Variants in ARID2 observed in about 807,000 individuals in gnomAD.
ARID2 encodes the protein AT-rich interactive domain-containing protein 2.
In ARID2, 32 loss-of-function variants were observed where a neutral mutation model predicts 184.6. The ratio of observed to expected loss-of-function variants is 0.17; its 90% CI spans 0.13 to 0.23. ARID2 has a LOEUF of 0.23. Among genes scored for constraint, ARID2 ranks in the 10% least tolerant of loss-of-function variants. ARID2 has a pLI of 1.00. For synonymous variants in ARID2, 836 were observed against 772.6 expected (o/e 1.08, Z -1.36); for missense variants, 1,696 against 2,197.6 (o/e 0.77, Z 4.56).
In ARID2 at chr12:45,749,888, A is replaced by C. The variant is rs528368689; in HGVS notation, c.284+18574A>C. On this transcript the variant is annotated intron_variant, in intron 3 of 20. Coordinates refer to ENST00000334344, the MANE Select transcript of ARID2 (RefSeq NM_152641.4). ...TTGTTCTGGATTAGGCTTTGGCTTA[A>C]AGGAATGTCTGGCTGGTTTGATCTT... Among the ~76,000 whole-genome samples the C allele has an allele frequency of 2.0e-5, 3 of 152,300 alleles. No homozygotes were observed. The East Asian group carries it at 5.8e-4, about 29-fold the overall frequency.
At chr12:45,866,320 T>C (rs959363991) in intron 16 of ARID2, among the ~76,000 whole-genome samples, 2 of 152,206 alleles carry the variant, frequency 1.3e-5, no homozygotes, top group Non-Finnish European at 2.9e-5. Context: ...CACATTTCTT[T>C]CCATAAATAA....
intron 3 of ARID2, among the ~76,000 whole-genome samples, chr12:45,798,464 C>T (rs1942433698): frequency 6.6e-6 from 1 of 152,190 alleles, no homozygotes; most frequent in Admixed American, 6.5e-5. Flanking sequence ...TTGTTCTTCC[C>T]TAAAAATTCA....
intron 6 of ARID2, among the ~76,000 whole-genome samples, chr12:45,828,884 A>G (rs185432464): frequency 5.3e-4 from 81 of 151,774 alleles, no homozygotes; most frequent in Middle Eastern, 6.8e-3. Flanking sequence ...TTGCCTTTTC[A>G]TTCTTGAATG....
chr12:45,808,620 C>T (rs543001412), intron 3 of ARID2, among the ~76,000 whole-genome samples: 3 of 152,070 alleles, frequency 2.0e-5, no homozygotes, highest in Non-Finnish European at 4.4e-5. Flanking sequence ...GTTCACTCCA[C>T]ATCTCTTACG....
rs1943456661 is a variant in ARID2, at chr12:45,847,050, T to TA, written c.1580+114dup. On this transcript the variant is annotated intron_variant, in intron 12 of 20. Transcript: ENST00000334344. ...GTTTTGTTCTGTATTCCTTTTTAGTTAGAGTAGAATATCATTTACACAAAG... is the reference window on the plus strand; with the variant it reads ...GTTTTGTTCTGTATTCCTTTTTAGTTAAGAGTAGAATATCATTTACACAAAG... 3 of 813,626 alleles carry TA rather than the reference T, an allele frequency of 3.7e-6. No homozygotes were observed. The East Asian group carries it at 8.0e-5, about 22-fold the overall frequency. 50.4% of individuals were successfully genotyped at this position (813,626 alleles called of 1,614,324 possible). A position where few individuals can be genotyped will look rare whatever the true frequency, so the allele number is the denominator to read the frequency against.
chr12:45,761,242 G>C (rs1238917040), intron 3 of ARID2, among the ~76,000 whole-genome samples: 1 of 152,140 alleles, frequency 6.6e-6, no homozygotes, highest in Non-Finnish European at 1.5e-5. Context: ...TCTTGAAATA[G>C]GGTGATGTGA....
rs140053170 is a variant in ARID2, at chr12:45,887,761, C to A, written c.4923-4019C>A. Among the ~76,000 whole-genome samples the A allele has an allele frequency of 5.4e-3, 821 of 152,316 alleles. 6 individuals are homozygous for A. The highest frequency in any genetic ancestry group is 9.4e-3 in the Admixed American group (144 of 15,304). ...ATCTCCCTTCTGCAAGTGGCACGAA[C>A]TTCCCGAGGCTCCACCCCGTCCTTC... is the stretch of plus-strand genomic sequence containing the variant. On this transcript the variant is annotated intron_variant, in intron 16 of 20. Transcript: ENST00000334344.
At position 45,789,883 on chromosome 12, in the gene ARID2, G is replaced by A. The variant is rs74084206; in HGVS notation, c.285-21535G>A. On this transcript the variant is annotated intron_variant, in intron 3 of 20. Coordinates refer to ENST00000334344, the MANE Select transcript of ARID2 (RefSeq NM_152641.4). Reference sequence around the variant, plus strand: ...TGTAATCCTAGCACTTTTGGATGCCGAGATGGGAGGGTTGCTTGAGGCCAG... The same window carrying A: ...TGTAATCCTAGCACTTTTGGATGCCAAGATGGGAGGGTTGCTTGAGGCCAG... 1.7e-3 allele frequency among the ~76,000 whole-genome samples: 266 copies of A among 152,246 alleles called. 3 individuals carry two copies. Among genetic ancestry groups the A allele is most frequent in the African/African-American group, 6.1e-3 (255 of 41,536 alleles).
At chr12:45,786,593 A>T (rs1942199347) in intron 3 of ARID2, among the ~76,000 whole-genome samples, 1 of 152,216 alleles carries the variant, frequency 6.6e-6, no homozygotes, top group Non-Finnish European at 1.5e-5. Flanking sequence ...TCCTCAAAAA[A>T]TTGAAAATAG....
intron 3 of ARID2, among the ~76,000 whole-genome samples, chr12:45,741,157 TATG>T (rs1292415777): frequency 6.6e-6 from 1 of 152,218 alleles, no homozygotes; most frequent in Non-Finnish European, 1.5e-5. Context: ...ACAAGCATTT[TATG>T]ATGCTTGTTT....
At chr12:45,766,599 C>T (rs576870560) in intron 3 of ARID2, among the ~76,000 whole-genome samples, 25 of 150,168 alleles carry the variant, frequency 1.7e-4, no homozygotes, top group Non-Finnish European at 2.8e-4. Context: ...CTGCAAGCTC[C>T]GCCTCCTGGG....
At chr12:45,786,174 C>T (rs1193034021) in intron 3 of ARID2, among the ~76,000 whole-genome samples, 1 of 152,054 alleles carries the variant, frequency 6.6e-6, no homozygotes, top group Non-Finnish European at 1.5e-5. Flanking sequence ...GCATATATAG[C>T]TTTTTTATTT....
intron 6 of ARID2, among the ~76,000 whole-genome samples, chr12:45,826,883 T>G (rs1418006669): frequency 6.6e-6 from 1 of 152,148 alleles, no homozygotes; most frequent in Non-Finnish European, 1.5e-5. Context: ...GCAAAAGTTT[T>G]ATTCAGAATT....
chr12:45,749,284 A>G (rs1375752668), intron 3 of ARID2, among the ~76,000 whole-genome samples: 1 of 152,208 alleles, frequency 6.6e-6, no homozygotes, highest in South Asian at 2.1e-4. Flanking sequence ...ATTGTCAGTG[A>G]GCAGTAATAT....
intron 3 of ARID2, among the ~76,000 whole-genome samples, chr12:45,803,325 A>T (rs1157167971): frequency 6.6e-6 from 1 of 152,090 alleles, no homozygotes; most frequent in Non-Finnish European, 1.5e-5. Flanking sequence ...TCATTTTCCA[A>T]CAGTATTTTT....
At chr12:45,750,549 A>C (rs1941444297) in intron 3 of ARID2, among the ~76,000 whole-genome samples, 1 of 152,242 alleles carries the variant, frequency 6.6e-6, no homozygotes, top group Non-Finnish European at 1.5e-5. Flanking sequence ...TGGAAAGCAC[A>C]ATAAAATGAG....
At chr12:45,804,495 T>C (rs1175605778) in intron 3 of ARID2, among the ~76,000 whole-genome samples, 1 of 151,944 alleles carries the variant, frequency 6.6e-6, no homozygotes, top group Non-Finnish European at 1.5e-5. Flanking sequence ...TGTGCGTGTG[T>C]GTGTGTGTGT....
chr12:45,754,729 T>A (rs1484193046), intron 3 of ARID2, among the ~76,000 whole-genome samples: 1 of 152,246 alleles, frequency 6.6e-6, no homozygotes, highest in Non-Finnish European at 1.5e-5. Context: ...TTTTTTATTG[T>A]CTGTTTCTTC....
At chr12:45,859,105 T>TA (rs1943700275) in intron 15 of ARID2, among the ~76,000 whole-genome samples, 2 of 152,250 alleles carry the variant, frequency 1.3e-5, no homozygotes, top group African/African-American at 4.8e-5. Context: ...AATTTTAGCT[T>TA]ACTGCTTTCC....
Sources: allele counts gnomAD v4.1 joint callset (sites outside exome capture counted in the v4.1 genomes callset), GRCh38; gene constraint gnomAD v4.1.1; transcripts MANE v1.5; gene names NCBI Gene and HGNC (gene_info 2026-07-23, HGNC 2026-07-21).